Variants in SYTL3 observed in about 807,000 individuals in gnomAD.
SYTL3 encodes the protein synaptotagmin-like protein 3.
Under a neutral mutation model 82.1 loss-of-function variants are expected in SYTL3, and 88 were observed. The observed-to-expected ratio is 1.07, with a 90% CI of 0.90 to 1.28. The LOEUF (loss-of-function observed/expected upper bound fraction) is 1.28, where lower values mean the gene tolerates loss of function less well. SYTL3 is among the 50% of genes most tolerant of loss of function. The pLI is 0.00. For synonymous variants in SYTL3, 311 were observed against 289.4 expected, an observed-to-expected ratio of 1.07 and a Z score of -0.76; for missense variants, 831 against 757.6, an observed-to-expected ratio of 1.10 and a Z score of -1.14.
At chr6:158,760,343 G>A (rs533637878) in intron 14 of SYTL3, among the ~76,000 whole-genome samples, 29 of 152,300 alleles carry the variant, frequency 1.9e-4, no homozygotes, top group South Asian at 1.2e-3. Context: ...CTGGGTTTTC[G>A]TAGAAATGTC....
chr6:158,721,302 A>T (rs1436552263), intron 10 of SYTL3, among the ~76,000 whole-genome samples: 2 of 150,780 alleles, frequency 1.3e-5, no homozygotes, highest in African/African-American at 2.4e-5. Context: ...TGTAGTCTCG[A>T]TCTCGAAGGC....
intron 4 of SYTL3, among the ~76,000 whole-genome samples, chr6:158,665,039 T>G (rs972435180): frequency 1.1e-4 from 16 of 152,252 alleles, no homozygotes; most frequent in African/African-American, 3.9e-4. Context: ...TTTCAGTGTC[T>G]TTTCCTCTCC....
chr6:158,729,074 C>T (rs1785082712), intron 11 of SYTL3, among the ~76,000 whole-genome samples: 1 of 152,144 alleles, frequency 6.6e-6, no homozygotes, highest in South Asian at 2.1e-4. Flanking sequence ...AAACAAAAAA[C>T]ATTGAGTGTT....
At chr6:158,703,203 C>T (rs1007849162) in intron 6 of SYTL3, among the ~76,000 whole-genome samples, 10 of 151,254 alleles carry the variant, frequency 6.6e-5, no homozygotes, top group African/African-American at 1.2e-4. Context: ...GGCAACCACC[C>T]GAGCAGCAAA....
At chr6:158,762,322 T>A in intron 16 of SYTL3, 144 bp downstream of exon 16, 1 of 614,044 alleles carries the variant, frequency 1.6e-6, no homozygotes. Flanking sequence ...CAACACATAT[T>A]AAAGACCCTG....
intron 5 of SYTL3, among the ~76,000 whole-genome samples, chr6:158,666,202 C>T (rs1583161615): frequency 6.6e-6 from 1 of 152,206 alleles, no homozygotes; most frequent in African/African-American, 2.4e-5. Context: ...TTATCTCCTT[C>T]AGTACCAGTG....
intron 3 of SYTL3, among the ~76,000 whole-genome samples, chr6:158,662,155 T>G (rs887523042): frequency 6.6e-6 from 1 of 152,206 alleles, no homozygotes; most frequent in Non-Finnish European, 1.5e-5. Context: ...AAGTTTAGCT[T>G]TTAAAGCATT....
chr6:158,664,827 A>G (rs1789825454), intron 4 of SYTL3, among the ~76,000 whole-genome samples: 1 of 152,202 alleles, frequency 6.6e-6, no homozygotes, highest in Non-Finnish European at 1.5e-5. Flanking sequence ...GCGTGCTAGT[A>G]AATGACACCT....
At position 158,752,074 on chromosome 6, in the gene SYTL3, C is replaced by G. The variant is rs746925037; in HGVS notation, c.1137+44C>G. On this transcript the variant is annotated intron_variant, in intron 13 of 17. Coordinates refer to ENST00000611299, the MANE Select transcript of SYTL3 (RefSeq NM_001242394.2). ...TTCCTGTGCAGAGTCCTCCCGAGCC[C>G]GGGTGGAGCGCCTGGGGCAGAGTCC... 5.6e-6 allele frequency: 8 copies of G among 1,440,770 alleles called. No homozygotes were observed. In the African/African-American group the frequency reaches 1.0e-4, roughly 18 times the overall value. 89.2% of individuals were successfully genotyped at this position (1,440,770 alleles called of 1,614,324 possible). A position where few individuals can be genotyped will look rare whatever the true frequency, so the allele number is the denominator to read the frequency against.
At chr6:158,758,572 G>A (rs1162258801) in intron 14 of SYTL3, among the ~76,000 whole-genome samples, 2 of 152,178 alleles carry the variant, frequency 1.3e-5, no homozygotes, top group Non-Finnish European at 2.9e-5. Flanking sequence ...AGCCAGCGCA[G>A]CTGGGATTCG....
At chr6:158,668,847 G>A (rs1242211031) in intron 5 of SYTL3, among the ~76,000 whole-genome samples, 3 of 152,118 alleles carry the variant, frequency 2.0e-5, no homozygotes, top group African/African-American at 7.2e-5. Flanking sequence ...CAGGTCGCTT[G>A]GCATGCTGAA....
chr6:158,714,814 T>G (rs923085821), intron 9 of SYTL3, among the ~76,000 whole-genome samples: 1 of 152,230 alleles, frequency 6.6e-6, no homozygotes. Context: ...CACTTGGCTC[T>G]GAGACAGTCT....
intron 9 of SYTL3, among the ~76,000 whole-genome samples, chr6:158,714,589 A>G (rs1783142625): frequency 6.6e-6 from 1 of 152,178 alleles, no homozygotes; most frequent in Admixed American, 6.5e-5. Context: ...CTTTCTGCTC[A>G]GATACTTTTT....
chr6:158,760,592 C>T lies in SYTL3; in HGVS notation c.1309-48C>T, dbSNP rs200565924. The T allele has an allele frequency of 5.7e-5, 87 of 1,527,380 alleles. No homozygotes were observed. In the African/African-American group the frequency reaches 1.1e-3, roughly 19 times the overall value. 94.6% of individuals were successfully genotyped at this position (1,527,380 alleles called of 1,614,324 possible). ...GACAACCAGAGGAACCCAGAAGGTTCTTGGGACTTGGGGAATCCTGTCCCT... is the reference window on the plus strand; with the variant it reads ...GACAACCAGAGGAACCCAGAAGGTTTTTGGGACTTGGGGAATCCTGTCCCT... On this transcript the variant is annotated intron_variant, in intron 14 of 17. Coordinates refer to ENST00000611299, the MANE Select transcript of SYTL3 (RefSeq NM_001242394.2).
chr6:158,753,088 T>C (rs949727510), intron 13 of SYTL3, among the ~76,000 whole-genome samples: 1 of 147,692 alleles, frequency 6.8e-6, no homozygotes, highest in African/African-American at 2.5e-5. Flanking sequence ...TTTTTTTTTT[T>C]TTTTTTTTTG....
intron 9 of SYTL3, among the ~76,000 whole-genome samples, chr6:158,716,801 G>A (rs1447594330): frequency 6.6e-6 from 1 of 152,186 alleles, no homozygotes; most frequent in African/African-American, 2.4e-5. Flanking sequence ...AGTGTCCATT[G>A]CAGTGGCCTC....
At chr6:158,656,717 T>A (rs1788721359) in intron 2 of SYTL3, among the ~76,000 whole-genome samples, 1 of 151,638 alleles carries the variant, frequency 6.6e-6, no homozygotes. Flanking sequence ...AGAGCGAGAC[T>A]CTGTCTCAAA....
At chr6:158,723,089 CTTTTTTTT>C (rs745395918) in intron 10 of SYTL3, among the ~76,000 whole-genome samples, 11 of 89,882 alleles carry the variant, frequency 1.2e-4, no homozygotes, top group East Asian at 6.2e-4. Flanking sequence ...AACAGCTACT[CTTTTTTTT>C]TTTTTTTTTT....
In SYTL3 at chr6:158,713,885, G is replaced by C; in HGVS notation, c.595+7G>C. 6.5e-7 allele frequency: 1 copy of C among 1,546,274 alleles called. No individual in the cohort carries two copies. Among genetic ancestry groups the C allele is most frequent in the Non-Finnish European group, 8.8e-7 (1 of 1,142,698 alleles). ...CTTGCTACCCACGTGAAAAGTAAGT[G>C]CATGCTTCATGATGTGTTTTCCCAC... is the stretch of plus-strand genomic sequence containing the variant. On this transcript the variant is annotated splice_region_variant and intron_variant, in intron 9 of 17. Coordinates refer to ENST00000611299, the MANE Select transcript of SYTL3 (RefSeq NM_001242394.2).
Sources: allele counts gnomAD v4.1 joint callset (sites outside exome capture counted in the v4.1 genomes callset), GRCh38; gene constraint gnomAD v4.1.1; transcripts MANE v1.5; gene names NCBI Gene and HGNC (gene_info 2026-07-23, HGNC 2026-07-21).